Variants in SLC6A11 observed in about 807,000 individuals in gnomAD.
SLC6A11 encodes sodium- and chloride-dependent GABA transporter 3.
In SLC6A11, 25 loss-of-function variants were observed where a neutral mutation model predicts 74.8. The observed-to-expected ratio is 0.33, with a 90% CI of 0.24 to 0.47. SLC6A11 has a LOEUF of 0.47. Among genes scored for constraint, SLC6A11 ranks in the 20% least tolerant of loss-of-function variants. The pLI is 1.00. For missense variants in SLC6A11, 574 were observed against 837.0 expected (o/e 0.69, Z 3.88); for synonymous variants, 330 against 330.2 (o/e 1.00, Z 0.01).
At chr3:10,900,742 C>T (rs1033097177) in intron 6 of SLC6A11, among the ~76,000 whole-genome samples, 2 of 152,114 alleles carry the variant, frequency 1.3e-5, no homozygotes, top group Admixed American at 1.3e-4. Context: ...GCTCAGCTGA[C>T]ACAAAAGAAC....
intron 8 of SLC6A11, 152 bp from the exon 9 acceptor site, chr3:10,925,852 G>A (rs550018389): frequency 1.4e-4 from 91 of 644,390 alleles, no homozygotes; most frequent in African/African-American, 5.1e-4. Flanking sequence ...AGCACCAAAC[G>A]CATGGGGTGG....
At chr3:10,934,256 C>T (rs955938375) in intron 12 of SLC6A11, 90 bp downstream of exon 12, 14 of 880,422 alleles carry the variant, frequency 1.6e-5, no homozygotes, top group African/African-American at 1.2e-4. Flanking sequence ...CCACCCTGGC[C>T]GAGGCTGGAC....
At position 10,912,137 on chromosome 3, in the gene SLC6A11, C is replaced by T. The variant is rs777399234; in HGVS notation, c.939C>T (p.Cys313=). The T allele has an allele frequency of 6.2e-7, 1 of 1,613,934 alleles. No homozygotes were observed. Among genetic ancestry groups the T allele is most frequent in the South Asian group, 1.1e-5 (1 of 91,078 alleles). ...GTQIFFSYAI[C]LGCLTALGSY... ...AGATCTTTTTCTCCTATGCCATTTG[C>T]CTGGGCTGTCTGACCGCTCTGGGAA... The change falls in exon 7 of 14, where the codon TGC becomes TGT. Residue 313 remains cysteine (C), a synonymous_variant. Coordinates refer to ENST00000254488, the MANE Select transcript of SLC6A11 (RefSeq NM_014229.3).
intron 6 of SLC6A11, among the ~76,000 whole-genome samples, chr3:10,875,907 T>C (rs1018707946): frequency 6.6e-6 from 1 of 152,200 alleles, no homozygotes; most frequent in Non-Finnish European, 1.5e-5. Flanking sequence ...AAATGAACTC[T>C]CTGGGTGTGG....
chr3:10,859,137 G>A (rs574212477), intron 5 of SLC6A11, among the ~76,000 whole-genome samples: 3 of 152,234 alleles, frequency 2.0e-5, no homozygotes, highest in Non-Finnish European at 4.4e-5. Flanking sequence ...CATGTGGAAT[G>A]AATAGGAGGG....
At chr3:10,886,435 A>T (rs1223030131) in intron 6 of SLC6A11, among the ~76,000 whole-genome samples, 1 of 152,160 alleles carries the variant, frequency 6.6e-6, no homozygotes, top group Non-Finnish European at 1.5e-5. Context: ...CTCCCCTGAG[A>T]TATTCCTGTG....
intron 6 of SLC6A11, among the ~76,000 whole-genome samples, chr3:10,881,882 G>C (rs1188368482): frequency 1.3e-5 from 2 of 152,170 alleles, no homozygotes; most frequent in Admixed American, 1.3e-4. Context: ...CTTCCCTCAG[G>C]ATTACAAGGG....
chr3:10,833,535 G>A (rs1694325805), intron 4 of SLC6A11, among the ~76,000 whole-genome samples: 1 of 152,170 alleles, frequency 6.6e-6, no homozygotes, highest in South Asian at 2.1e-4. Context: ...TTCAGCCGAG[G>A]ATCAAGGTTC....
intron 12 of SLC6A11, 96 bp from the exon 13 acceptor site, chr3:10,934,933 C>A: frequency 9.2e-7 from 1 of 1,088,506 alleles, no homozygotes; most frequent in East Asian, 2.4e-5. Context: ...CCTCCCCTGC[C>A]AGCCTCTGGC....
chr3:10,927,098 A>C (rs988629933), intron 9 of SLC6A11, among the ~76,000 whole-genome samples: 6 of 152,234 alleles, frequency 3.9e-5, no homozygotes, highest in African/African-American at 9.6e-5. Flanking sequence ...CCCCACAGCC[A>C]GTATATCTGT....
intron 4 of SLC6A11, among the ~76,000 whole-genome samples, chr3:10,826,915 T>C (rs2106574283): frequency 6.6e-6 from 1 of 152,352 alleles, no homozygotes; most frequent in Non-Finnish European, 1.5e-5. Flanking sequence ...AGCTACTTGG[T>C]TACTCAAGAT....
At position 10,925,658 on chromosome 3, in the gene SLC6A11, C is replaced by T. The variant is rs1695594459; in HGVS notation, c.1121-346C>T. On this transcript the variant is annotated intron_variant, in intron 8 of 13. Transcript: ENST00000254488. ...CCCTGGGCAGACAGAGTCAGAATCG[C>T]TGGGTAGGCCTGAGAATCTGCATTT... Among the ~76,000 whole-genome samples, 7 of 152,184 alleles carry T rather than the reference C, an allele frequency of 4.6e-5. No homozygotes were observed. The South Asian group carries it at 1.5e-3, about 32-fold the overall frequency.
intron 11 of SLC6A11, 73 bp downstream of exon 11, chr3:10,933,326 G>T (rs760115933): frequency 1.3e-5 from 13 of 998,588 alleles, no homozygotes; most frequent in Non-Finnish European, 1.4e-5. Flanking sequence ...TTGGACTCTG[G>T]TTGGCTCTGG....
chr3:10,873,224 G>C (rs1694847661), intron 5 of SLC6A11, among the ~76,000 whole-genome samples: 1 of 152,144 alleles, frequency 6.6e-6, no homozygotes, highest in Admixed American at 6.5e-5. Flanking sequence ...TTCTTATCCA[G>C]AATCTGCTAG....
At chr3:10,928,741 CAG>C (rs1261825953) in intron 9 of SLC6A11, among the ~76,000 whole-genome samples, 1 of 152,152 alleles carries the variant, frequency 6.6e-6, no homozygotes, top group Non-Finnish European at 1.5e-5. Flanking sequence ...CCGGAGACCA[CAG>C]AGACAGACCA....
At chr3:10,858,676 C>T (rs1694666795) in intron 5 of SLC6A11, among the ~76,000 whole-genome samples, 1 of 152,218 alleles carries the variant, frequency 6.6e-6, no homozygotes, top group African/African-American at 2.4e-5. Context: ...CAGTAACCTG[C>T]TCAAGGTCAC....
chr3:10,910,843 G>A (rs1340831980), intron 6 of SLC6A11, among the ~76,000 whole-genome samples: 1 of 115,210 alleles, frequency 8.7e-6, no homozygotes, highest in African/African-American at 3.3e-5. Context: ...TTTTTTTTGA[G>A]ACAGAGTCTT....
chr3:10,829,222 C>G (rs371139133), intron 4 of SLC6A11, among the ~76,000 whole-genome samples: 2 of 152,254 alleles, frequency 1.3e-5, no homozygotes, highest in African/African-American at 4.8e-5. Context: ...CCTTACCAAC[C>G]TCTCCAGGCT....
In SLC6A11 at chr3:10,852,280, C is replaced by G. The variant is rs552525893; in HGVS notation, c.756+7934C>G. On this transcript the variant is annotated intron_variant, in intron 5 of 13. Transcript: ENST00000254488. ...ATGCCTGGGCGGCCAAACAGGAGAG[C>G]CCCTGCCCCGGGGCCCTGAACCCAA... 1.1e-4 allele frequency among the ~76,000 whole-genome samples: 16 copies of G among 152,352 alleles called. No individual in the cohort carries two copies. In the East Asian group the frequency reaches 2.9e-3, roughly 28 times the overall value.
Sources: allele counts gnomAD v4.1 joint callset (sites outside exome capture counted in the v4.1 genomes callset), GRCh38; gene constraint gnomAD v4.1.1; transcripts MANE v1.5; gene names NCBI Gene and HGNC (gene_info 2026-07-23, HGNC 2026-07-21).